Variants in C1orf21 observed in about 807,000 individuals in gnomAD.
C1orf21 encodes the protein uncharacterized protein C1orf21.
C1orf21 carries 3 observed loss-of-function variants against 18.7 expected under a neutral mutation model. The ratio of observed to expected loss-of-function variants is 0.16; its 90% confidence interval spans 0.07 to 0.42. The LOEUF (loss-of-function observed/expected upper bound fraction) is 0.42, where lower values mean the gene tolerates loss of function less well. C1orf21 is among the 10% of genes least tolerant of loss of function. The probability of loss-of-function intolerance (pLI) is 0.99; values close to 1 mark genes in which losing one functional copy is unlikely to be tolerated. For missense variants in C1orf21, 104 were observed against 143.6 expected, an observed-to-expected ratio of 0.72 and a Z score of 1.41; for synonymous variants, 41 against 46.4, an observed-to-expected ratio of 0.88 and a Z score of 0.47.
intron 3 of C1orf21, among the ~76,000 whole-genome samples, chr1:184,512,454 G>A (rs1297309622): frequency 5.9e-5 from 9 of 152,132 alleles, no homozygotes; most frequent in East Asian, 1.9e-4. Flanking sequence ...GGAGAAGATC[G>A]TGCTGGTTTT....
chr1:184,391,053 A>G (rs1030964327), intron 1 of C1orf21, among the ~76,000 whole-genome samples: 8 of 152,162 alleles, frequency 5.3e-5, no homozygotes, highest in Admixed American at 4.6e-4. Context: ...ACATACATAC[A>G]TATTTTTTAA....
chr1:184,533,773 A>G (rs187813140), intron 3 of C1orf21, among the ~76,000 whole-genome samples: 1 of 152,356 alleles, frequency 6.6e-6, no homozygotes, highest in East Asian at 1.9e-4. Context: ...GATGCCAGCC[A>G]GTTCCACAGG....
intron 4 of C1orf21, among the ~76,000 whole-genome samples, chr1:184,593,948 C>T (rs1470968533): frequency 3.3e-5 from 5 of 152,138 alleles, no homozygotes; most frequent in Non-Finnish European, 5.9e-5. Flanking sequence ...TTTAAAGGCA[C>T]ACAAAGAGAT....
intron 4 of C1orf21, among the ~76,000 whole-genome samples, chr1:184,594,712 T>A (rs1020801670): frequency 2.0e-4 from 31 of 152,150 alleles, no homozygotes; most frequent in African/African-American, 7.0e-4. Flanking sequence ...AGAAGTCCCC[T>A]CCTGCACCTG....
At chr1:184,579,744 C>T (rs990093771) in intron 3 of C1orf21, among the ~76,000 whole-genome samples, 3 of 151,960 alleles carry the variant, frequency 2.0e-5, no homozygotes, top group Non-Finnish European at 2.9e-5. Context: ...CTCCTGACCT[C>T]GTGATCCACC....
At chr1:184,516,229 AGTTGAGGAC>A (rs1301946127) in intron 3 of C1orf21, among the ~76,000 whole-genome samples, 1 of 152,190 alleles carries the variant, frequency 6.6e-6, no homozygotes, top group Non-Finnish European at 1.5e-5. Context: ...TTATCTATAG[AGTTGAGGAC>A]TAATTTGAAA....
intron 3 of C1orf21, among the ~76,000 whole-genome samples, chr1:184,569,659 A>C (rs1006689649): frequency 9.2e-5 from 14 of 152,202 alleles, no homozygotes; most frequent in Admixed American, 2.0e-4. Context: ...GAGTTCGAGG[A>C]CAGCCTGGGC....
chr1:184,550,615 G>A (rs1658799309), intron 3 of C1orf21, among the ~76,000 whole-genome samples: 1 of 152,126 alleles, frequency 6.6e-6, no homozygotes, highest in Non-Finnish European at 1.5e-5. Context: ...GCTCACTGCA[G>A]CCTTGACCTC....
chr1:184,436,980 C>CT (rs1656869077), intron 1 of C1orf21, among the ~76,000 whole-genome samples: 2 of 152,074 alleles, frequency 1.3e-5, no homozygotes, highest in African/African-American at 4.8e-5. Flanking sequence ...AGAATCTGAC[C>CT]TTTTTGCTGA....
intron 3 of C1orf21, among the ~76,000 whole-genome samples, chr1:184,509,972 A>G (rs1658120694): frequency 6.6e-6 from 1 of 152,196 alleles, no homozygotes; most frequent in African/African-American, 2.4e-5. Flanking sequence ...ACAGTGCCTC[A>G]TAGTCCTGTT....
chr1:184,523,101 T>A (rs1658327736), intron 3 of C1orf21, among the ~76,000 whole-genome samples: 2 of 152,224 alleles, frequency 1.3e-5, no homozygotes, highest in African/African-American at 4.8e-5. Context: ...CAGAGTAATT[T>A]CATATCATTT....
At chr1:184,532,748 T>TA (rs1424508020) in intron 3 of C1orf21, among the ~76,000 whole-genome samples, 1 of 151,890 alleles carries the variant, frequency 6.6e-6, no homozygotes, top group South Asian at 2.1e-4. Flanking sequence ...ACTTGTTTCT[T>TA]AAAAAAAAGA....
chr1:184,393,526 T>C (rs1336450721), intron 1 of C1orf21, among the ~76,000 whole-genome samples: 1 of 152,220 alleles, frequency 6.6e-6, no homozygotes, highest in Non-Finnish European at 1.5e-5. Flanking sequence ...AGTTTAGGGA[T>C]CTTTTTGCCT....
rs1029311262 is a variant in C1orf21, at chr1:184,526,187, A to G, written c.189+18505A>G. ...TATTGTTGAAGGTTTTCTGAAATATATTTGCTTTCTCCTTGTTAGTAAATA... is the reference window on the plus strand; with the variant it reads ...TATTGTTGAAGGTTTTCTGAAATATGTTTGCTTTCTCCTTGTTAGTAAATA... On this transcript the variant is annotated intron_variant, in intron 3 of 5. Coordinates refer to ENST00000235307, the MANE Select transcript of C1orf21 (RefSeq NM_030806.4). Among the ~76,000 whole-genome samples, 4 of 152,256 alleles carry G rather than the reference A, an allele frequency of 2.6e-5. No individual in the cohort carries two copies. The South Asian group carries it at 8.3e-4, about 32-fold the overall frequency.
At chr1:184,393,681 ATTATTG>A (rs1656007042) in intron 1 of C1orf21, among the ~76,000 whole-genome samples, 1 of 152,192 alleles carries the variant, frequency 6.6e-6, no homozygotes, top group Non-Finnish European at 1.5e-5. Context: ...TATCTTGATG[ATTATTG>A]TTATTTTAAA....
At position 184,617,913 on chromosome 1, in the gene C1orf21, T is replaced by G. The variant is rs867675078; in HGVS notation, c.328-1605T>G. Reference sequence around the variant, plus strand: ...GCAGTTTGTTGTTGTTGTTTTTTTTTTTTTTTTTTTTTTTGAGATAGAGTC... The same window carrying G: ...GCAGTTTGTTGTTGTTGTTTTTTTTGTTTTTTTTTTTTTTGAGATAGAGTC... On this transcript the variant is annotated intron_variant, in intron 5 of 5. Coordinates refer to ENST00000235307, the MANE Select transcript of C1orf21 (RefSeq NM_030806.4). 8.8e-3 allele frequency among the ~76,000 whole-genome samples: 1,282 copies of G among 146,082 alleles called. 22 individuals carry two copies. The highest frequency in any genetic ancestry group is 0.031 in the African/African-American group (1,233 of 39,672).
chr1:184,461,335 G>A (rs539442925), intron 1 of C1orf21, among the ~76,000 whole-genome samples: 1 of 152,270 alleles, frequency 6.6e-6, no homozygotes, highest in African/African-American at 2.4e-5. Flanking sequence ...AAGATTTTTG[G>A]TTTTAAGCAT....
rs76290060 is a variant in C1orf21, at chr1:184,617,321, C to T, written c.328-2197C>T. 5.3e-5 allele frequency among the ~76,000 whole-genome samples: 8 copies of T among 152,284 alleles called. No homozygotes were observed. In the East Asian group the frequency reaches 1.5e-3, roughly 29 times the overall value. On this transcript the variant is annotated intron_variant, in intron 5 of 5. Transcript: ENST00000235307. ...AAAACCTTCAGGAAAACTCCATGAG[C>T]CCTACCTTTCCTCTCCACCTGAATA...
chr1:184,442,330 G>T (rs962380194), intron 1 of C1orf21, among the ~76,000 whole-genome samples: 2 of 152,184 alleles, frequency 1.3e-5, no homozygotes, highest in African/African-American at 4.8e-5. Flanking sequence ...GATTCTACTA[G>T]TAAAATGGCC....
Sources: gnomAD v4.1 joint callset for allele counts (sites outside exome capture counted in the v4.1 genomes callset) on GRCh38, gnomAD v4.1.1 for gene constraint, MANE v1.5 for transcripts, NCBI Gene and HGNC (gene_info 2026-07-23, HGNC 2026-07-21) for gene names.